DLGAP1: variants seen among roughly 807,000 people sequenced by gnomAD.
The protein encoded by DLGAP1 is DLG associated protein 1.
Under a neutral mutation model 90.8 loss-of-function variants are expected in DLGAP1, and 11 were observed. That is an observed-to-expected ratio of 0.12 (90% CI 0.08 to 0.20). The LOEUF (loss-of-function observed/expected upper bound fraction) is 0.20, where lower values mean the gene tolerates loss of function less well. DLGAP1 is among the 10% of genes least tolerant of loss of function. DLGAP1 has a pLI of 1.00. For synonymous variants in DLGAP1, 558 were observed against 540.7 expected (o/e 1.03, Z -0.44); for missense variants, 1,050 against 1,333.8 (o/e 0.79, Z 3.31).
At chr18:4,070,408 T>G (rs1412774616) in intron 2 of DLGAP1, among the ~76,000 whole-genome samples, 3 of 152,162 alleles carry the variant, frequency 2.0e-5, no homozygotes, top group Non-Finnish European at 2.9e-5. Context: ...GTGCTCACTA[T>G]TACACCACGG....
At chr18:4,234,411 T>C (rs968094438) in intron 1 of DLGAP1, among the ~76,000 whole-genome samples, 6 of 152,186 alleles carry the variant, frequency 3.9e-5, no homozygotes, top group African/African-American at 9.6e-5. Context: ...TGATTCACTA[T>C]GATGATAACA....
intron 4 of DLGAP1, among the ~76,000 whole-genome samples, chr18:3,816,273 A>G (rs1218566206): frequency 6.6e-6 from 1 of 152,200 alleles, no homozygotes; most frequent in East Asian, 1.9e-4. Context: ...ATATTAATCA[A>G]AATTTTATGA....
intron 3 of DLGAP1, among the ~76,000 whole-genome samples, chr18:3,999,199 T>C (rs2074130401): frequency 6.6e-6 from 1 of 152,040 alleles, no homozygotes; most frequent in South Asian, 2.1e-4. Flanking sequence ...ACAAAATTGA[T>C]ATATATTTGT....
intron 4 of DLGAP1, among the ~76,000 whole-genome samples, chr18:3,824,573 G>A (rs558534883): frequency 1.3e-5 from 2 of 151,994 alleles, no homozygotes; most frequent in South Asian, 2.1e-4. Context: ...AAAAGGTTTC[G>A]GCAAATATTT....
intron 1 of DLGAP1, among the ~76,000 whole-genome samples, chr18:4,443,052 T>A (rs2083575492): frequency 6.6e-6 from 1 of 152,192 alleles, no homozygotes; most frequent in African/African-American, 2.4e-5. Flanking sequence ...GAATGTGAAA[T>A]ACATAGAAAA....
intron 1 of DLGAP1, among the ~76,000 whole-genome samples, chr18:4,168,892 T>A (rs2076978367): frequency 1.3e-5 from 2 of 152,218 alleles, no homozygotes; most frequent in South Asian, 4.1e-4. Context: ...CTCTCATTTC[T>A]TTTAAAGGCA....
intron 1 of DLGAP1, among the ~76,000 whole-genome samples, chr18:4,203,984 G>A (rs565374046): frequency 1.2e-4 from 19 of 152,252 alleles, no homozygotes; most frequent in African/African-American, 4.6e-4. Context: ...GCAAACACAA[G>A]AAGCTTAGGA....
intron 5 of DLGAP1, among the ~76,000 whole-genome samples, chr18:3,782,374 T>G (rs2065240833): frequency 6.6e-6 from 1 of 152,232 alleles, no homozygotes; most frequent in Admixed American, 6.5e-5. Flanking sequence ...TGACCTCAAG[T>G]GATCCGCCTG....
At chr18:3,592,143 A>G (rs2056281036) in intron 7 of DLGAP1, among the ~76,000 whole-genome samples, 1 of 152,210 alleles carries the variant, frequency 6.6e-6, no homozygotes, top group African/African-American at 2.4e-5. Context: ...AAGAAGCCAA[A>G]AAAGGAGGCC....
intron 1 of DLGAP1, among the ~76,000 whole-genome samples, chr18:4,406,168 A>T (rs181425148): frequency 2.0e-5 from 3 of 152,220 alleles, no homozygotes; most frequent in Admixed American, 1.3e-4. Flanking sequence ...AGTGGTTACA[A>T]AGTTATTGCC....
intron 1 of DLGAP1, among the ~76,000 whole-genome samples, chr18:4,281,510 C>A (rs374245978): frequency 2.0e-5 from 3 of 152,108 alleles, no homozygotes; most frequent in African/African-American, 7.2e-5. Context: ...ACGGAGATTG[C>A]GCTACTGCAC....
At chr18:4,355,698 C>T (rs571485269) in intron 1 of DLGAP1, among the ~76,000 whole-genome samples, 1 of 145,118 alleles carries the variant, frequency 6.9e-6, no homozygotes, top group South Asian at 2.2e-4. Context: ...CACAAGTTAT[C>T]TTCGGAGAAA....
At chr18:4,249,775 A>T (rs1472487723) in intron 1 of DLGAP1, among the ~76,000 whole-genome samples, 2 of 152,042 alleles carry the variant, frequency 1.3e-5, no homozygotes, top group African/African-American at 2.4e-5. Context: ...TTCTGTAGAG[A>T]CGGGGGTCTC....
chr18:3,600,730 A>C lies in DLGAP1; in HGVS notation c.1592-18482T>G, dbSNP rs1457883764. ...TAGCTATATAGATATAGAGATATAGATATATATAGATATATAGATATATAT... is the reference window on the plus strand; with the variant it reads ...TAGCTATATAGATATAGAGATATAGCTATATATAGATATATAGATATATAT... On this transcript the variant is annotated intron_variant, in intron 7 of 12. Transcript: ENST00000315677. 4.9e-4 allele frequency among the ~76,000 whole-genome samples: 24 copies of C among 48,636 alleles called. 1 individual carries two copies. The highest frequency in any genetic ancestry group is 5.9e-4 in the South Asian group (1 of 1,708). The allele number at this position is 48,636 out of a possible 152,430, so 31.9% of individuals were successfully genotyped here.
intron 3 of DLGAP1, among the ~76,000 whole-genome samples, chr18:3,938,661 T>C (rs574602679): frequency 1.3e-5 from 2 of 152,252 alleles, no homozygotes; most frequent in African/African-American, 4.8e-5. Context: ...AATAAATGAA[T>C]GCAAGGAGAC....
intron 1 of DLGAP1, among the ~76,000 whole-genome samples, chr18:4,222,224 CT>C (rs1247277224): frequency 2.0e-5 from 3 of 152,174 alleles, no homozygotes; most frequent in African/African-American, 7.2e-5. Flanking sequence ...TACTTTATGT[CT>C]CTGCTTACAT....
chr18:3,799,500 T>A (rs2066182596), intron 5 of DLGAP1, among the ~76,000 whole-genome samples: 1 of 27,490 alleles, frequency 3.6e-5, no homozygotes, highest in South Asian at 1.4e-3. Context: ...ACGTAGTGCC[T>A]TTTTTTTTTT....
intron 4 of DLGAP1, among the ~76,000 whole-genome samples, chr18:3,864,246 G>A (rs1192689341): frequency 2.0e-5 from 3 of 152,172 alleles, no homozygotes; most frequent in South Asian, 2.1e-4. Flanking sequence ...GGGTTGAAGC[G>A]AAGAAATGCA....
Position 4,254,618 on chromosome 18 carries a change from A to C in DLGAP1, c.-266-103331T>G, listed in dbSNP as rs1362774435. Reference sequence around the variant, plus strand: ...AGAACCATATCATCTCATATTATCCAGAGGACAGACATTGAGACCAAATTC... The same window carrying C: ...AGAACCATATCATCTCATATTATCCCGAGGACAGACATTGAGACCAAATTC... On this transcript the variant is annotated intron_variant, in intron 1 of 12. Transcript: ENST00000315677. Among the ~76,000 whole-genome samples the C allele has an allele frequency of 2.6e-5, 4 of 152,224 alleles. No individual in the cohort carries two copies. In the East Asian group the frequency reaches 5.8e-4, roughly 22 times the overall value.
Sources: allele counts gnomAD v4.1 joint callset (sites outside exome capture counted in the v4.1 genomes callset), GRCh38; gene constraint gnomAD v4.1.1; transcripts MANE v1.5; gene names NCBI Gene and HGNC (gene_info 2026-07-23, HGNC 2026-07-21).